The following GSE1 variants were observed in gnomAD, a reference collection of about 807,000 sequenced individuals.
GSE1 encodes the protein genetic suppressor element 1.
A neutral mutation model predicts 112.6 loss-of-function variants in GSE1; 32 were observed. The ratio of observed to expected loss-of-function variants is 0.28; its 90% CI spans 0.21 to 0.38. GSE1 has a LOEUF of 0.38. Among genes scored for constraint, GSE1 ranks in the 10% least tolerant of loss-of-function variants. GSE1 has a pLI of 1.00. For synonymous variants in GSE1, 1,115 were observed against 735.6 expected, an observed-to-expected ratio of 1.52 and a Z score of -8.35; for missense variants, 2,348 against 1,699.2, an observed-to-expected ratio of 1.38 and a Z score of -6.71.
intron 1 of GSE1, among the ~76,000 whole-genome samples, chr16:85,569,775 G>T (rs141065097): frequency 5.9e-5 from 9 of 152,208 alleles, no homozygotes; most frequent in African/African-American, 1.7e-4. Context: ...CGTGGCGTGC[G>T]TTGGGGAAAG....
At chr16:85,654,596 C>T (rs2051742575) in intron 4 of GSE1, 146 bp downstream of exon 4, 8 of 775,864 alleles carry the variant, frequency 1.0e-5, no homozygotes, top group Non-Finnish European at 8.5e-6. Context: ...GGATTGCAGC[C>T]CTGTCTGTGC....
At position 85,535,704 on chromosome 16, in the gene GSE1, A is replaced by T. The variant is rs116478524; in HGVS notation, c.2465-98210A>T. On this transcript the variant is annotated intron_variant, in intron 2 of 2. Transcript: ENST00000637419. The stretch of plus-strand genomic sequence containing the variant: ...GACCTGGAGCTGCATGTGTCAAGAT[A>T]CCAGCCCCAGGGCCTGAGAGAGCAA... 3.3e-3 allele frequency among the ~76,000 whole-genome samples: 495 copies of T among 152,260 alleles called. 3 individuals carry two copies. The highest frequency in any genetic ancestry group is 0.01 in the African/African-American group (434 of 41,544).
chr16:85,195,490 G>A (rs538318012), intron 1 of GSE1, among the ~76,000 whole-genome samples: 3 of 152,308 alleles, frequency 2.0e-5, no homozygotes, highest in Admixed American at 6.5e-5. Flanking sequence ...CTCGAGTCAC[G>A]CAGGGGATGG....
intron 2 of GSE1, among the ~76,000 whole-genome samples, chr16:85,516,639 C>T (rs2151942402): frequency 6.6e-6 from 1 of 150,804 alleles, no homozygotes; most frequent in East Asian, 2.0e-4. Flanking sequence ...TCAGTTTCCT[C>T]AGCTGTAACA....
intron 1 of GSE1, among the ~76,000 whole-genome samples, chr16:85,308,971 G>C (rs1210100734): frequency 6.6e-6 from 1 of 150,596 alleles, no homozygotes; most frequent in Non-Finnish European, 1.5e-5. Context: ...CATTCAGGTA[G>C]TGACAGGTCA....
intron 2 of GSE1, among the ~76,000 whole-genome samples, chr16:85,380,403 C>A (rs2047519391): frequency 6.6e-6 from 1 of 152,178 alleles, no homozygotes. Context: ...TCTAAATCCT[C>A]CCTGAGCCCT....
At chr16:85,337,884 A>G (rs1210908069) in intron 1 of GSE1, among the ~76,000 whole-genome samples, 3 of 152,240 alleles carry the variant, frequency 2.0e-5, no homozygotes, top group Admixed American at 1.3e-4. Flanking sequence ...TCTGAAAACC[A>G]CTGGCCAAAG....
At chr16:85,327,818 G>A (rs563499011) in intron 1 of GSE1, among the ~76,000 whole-genome samples, 1 of 152,176 alleles carries the variant, frequency 6.6e-6, no homozygotes, top group Non-Finnish European at 1.5e-5. Flanking sequence ...GAGGTCCCGG[G>A]GGGAGAGTGA....
chr16:85,202,259 C>T lies in GSE1; in HGVS notation c.2283+30452C>T, dbSNP rs554519048. Among the ~76,000 whole-genome samples the T allele has an allele frequency of 5.3e-5, 8 of 152,338 alleles. No individual in the cohort carries two copies. The South Asian group carries it at 1.0e-3, about 20-fold the overall frequency. On this transcript the variant is annotated intron_variant, in intron 1 of 2. Transcript: ENST00000637419. ...CCAGCCCCAACTGCCTTCTGGAATCCGGCAGCTTCCGAGGAAGGGCCTGAG... is the reference window on the plus strand; with the variant it reads ...CCAGCCCCAACTGCCTTCTGGAATCTGGCAGCTTCCGAGGAAGGGCCTGAG...
At chr16:85,331,496 T>C (rs1304475674) in intron 1 of GSE1, among the ~76,000 whole-genome samples, 1 of 122,320 alleles carries the variant, frequency 8.2e-6, no homozygotes, top group African/African-American at 2.7e-5. Context: ...TATATGTGTA[T>C]ATGTGTATAT....
At chr16:85,400,422 T>C (rs2048075438) in intron 2 of GSE1, among the ~76,000 whole-genome samples, 1 of 152,034 alleles carries the variant, frequency 6.6e-6, no homozygotes, top group Non-Finnish European at 1.5e-5. Flanking sequence ...ATGTATGTCT[T>C]TGTGTGTGTC....
At chr16:85,629,855 T>C (rs1023353037) in intron 1 of GSE1, among the ~76,000 whole-genome samples, 5 of 152,220 alleles carry the variant, frequency 3.3e-5, no homozygotes, top group African/African-American at 1.2e-4. Context: ...GTGGTGATGC[T>C]GACCGTATCA....
intron 1 of GSE1, among the ~76,000 whole-genome samples, chr16:85,305,088 GC>G (rs1444585421): frequency 6.6e-6 from 1 of 152,194 alleles, no homozygotes; most frequent in African/African-American, 2.4e-5. Flanking sequence ...GCCATCCTGG[GC>G]CGCAGCTTGT....
chr16:85,223,101 C>T (rs111743062), intron 1 of GSE1, among the ~76,000 whole-genome samples: 3,039 of 152,214 alleles, frequency 0.02, 102 homozygotes, highest in African/African-American at 0.069. Context: ...GGCTGCCATA[C>T]CCATTTGTCT....
intron 1 of GSE1, among the ~76,000 whole-genome samples, chr16:85,222,244 A>C (rs1448739202): frequency 1.3e-5 from 2 of 152,120 alleles, no homozygotes; most frequent in Non-Finnish European, 2.9e-5. Flanking sequence ...AGCGGGGCCC[A>C]CCAGACCTTA....
chr16:85,214,353 C>G (rs2075275349), intron 1 of GSE1, among the ~76,000 whole-genome samples: 1 of 152,116 alleles, frequency 6.6e-6, no homozygotes, highest in Non-Finnish European at 1.5e-5. Flanking sequence ...GATTTGGGGC[C>G]TATATCCAGG....
At chr16:85,491,462 G>A (rs1251315611) in intron 2 of GSE1, among the ~76,000 whole-genome samples, 1 of 152,180 alleles carries the variant, frequency 6.6e-6, no homozygotes, top group African/African-American at 2.4e-5. Flanking sequence ...GTTGGGAGGG[G>A]CTTTATGAGA....
chr16:85,421,127 G>A (rs2048833968), intron 2 of GSE1, among the ~76,000 whole-genome samples: 1 of 152,244 alleles, frequency 6.6e-6, no homozygotes, highest in Non-Finnish European at 1.5e-5. Context: ...CACGCAGTGG[G>A]CGCTGTGAAA....
chr16:85,556,976 G>C (rs1231426642), intron 1 of GSE1, among the ~76,000 whole-genome samples: 2 of 152,098 alleles, frequency 1.3e-5, no homozygotes, highest in Non-Finnish European at 2.9e-5. Flanking sequence ...GGTGACAGCC[G>C]CTTGCCCTGT....
Sources: allele counts gnomAD v4.1 joint callset (sites outside exome capture counted in the v4.1 genomes callset), GRCh38; gene constraint gnomAD v4.1.1; transcripts MANE v1.5; gene names NCBI Gene and HGNC (gene_info 2026-07-23, HGNC 2026-07-21).